STXBP3: variants seen among roughly 807,000 people sequenced by gnomAD.
STXBP3 encodes the protein syntaxin-binding protein 3.
A neutral mutation model predicts 85.7 loss-of-function variants in STXBP3; 41 were observed. That is an observed-to-expected ratio of 0.48 (90% confidence interval 0.37 to 0.62). STXBP3 has a LOEUF of 0.62. Among genes scored for constraint, STXBP3 ranks in the 20% least tolerant of loss-of-function variants. The probability of loss-of-function intolerance (pLI) is 0.00; values close to 1 mark genes in which losing one functional copy is unlikely to be tolerated. For synonymous variants in STXBP3, 229 were observed against 231.7 expected (o/e 0.99, Z 0.10); for missense variants, 563 against 703.1 (o/e 0.80, Z 2.25).
chr1:108,784,358 A>G (rs1570765465), intron 11 of STXBP3, among the ~76,000 whole-genome samples: 1 of 152,218 alleles, frequency 6.6e-6, no homozygotes, highest in African/African-American at 2.4e-5. Flanking sequence ...CTTAACAATC[A>G]TGGCAGAAGC....
At chr1:108,770,724 C>T (rs1038716626) in intron 6 of STXBP3, among the ~76,000 whole-genome samples, 3 of 152,010 alleles carry the variant, frequency 2.0e-5, no homozygotes, top group Non-Finnish European at 4.4e-5. Flanking sequence ...GTTTAGAAAA[C>T]AACAAAATTT....
chr1:108,803,911 G>A (rs1186080661), intron 17 of STXBP3, among the ~76,000 whole-genome samples: 6 of 152,076 alleles, frequency 3.9e-5, no homozygotes, highest in African/African-American at 1.4e-4. Flanking sequence ...CTGTTTCCAG[G>A]GTTCTACTTT....
chr1:108,793,799 A>G lies in STXBP3; in HGVS notation c.1029+152A>G, dbSNP rs138254823. 1,358 of 502,434 alleles carry G rather than the reference A, an allele frequency of 2.7e-3. 10 individuals are homozygous for G. Among genetic ancestry groups the G allele is most frequent in the Non-Finnish European group, 4.1e-3 (1,190 of 291,088 alleles). The allele number at this position is 502,434 out of a possible 1,614,324, so 31.1% of individuals were successfully genotyped here. Reference sequence around the variant, plus strand: ...ACTATAGGTCTGAGAGATATCCCATATATCTAAGCTTCTTCATAACTTCTC... The same window carrying G: ...ACTATAGGTCTGAGAGATATCCCATGTATCTAAGCTTCTTCATAACTTCTC... On this transcript the variant is annotated intron_variant, in intron 12 of 18. Coordinates refer to ENST00000370008, the MANE Select transcript of STXBP3 (RefSeq NM_007269.4).
chr1:108,784,078 T>G (rs1336473424), intron 11 of STXBP3, among the ~76,000 whole-genome samples: 1 of 152,194 alleles, frequency 6.6e-6, no homozygotes, highest in Non-Finnish European at 1.5e-5. Context: ...GAACAGAAGA[T>G]CTCAATTTTA....
chr1:108,752,985 G>GT, intron 2 of STXBP3, 78 bp from the exon 3 acceptor site: 2 of 1,135,166 alleles, frequency 1.8e-6, no homozygotes, highest in African/African-American at 1.6e-5. Flanking sequence ...GGCTTATAAA[G>GT]TTTAATGGAT....
chr1:108,778,324 A>G (rs1294660762), intron 8 of STXBP3, among the ~76,000 whole-genome samples: 4 of 152,224 alleles, frequency 2.6e-5, no homozygotes, highest in Admixed American at 1.3e-4. Flanking sequence ...ACTGACATTA[A>G]CAATAAATGT....
chr1:108,797,873 C>G (rs1233809250), intron 15 of STXBP3, among the ~76,000 whole-genome samples: 1 of 152,080 alleles, frequency 6.6e-6, no homozygotes, highest in Non-Finnish European at 1.5e-5. Context: ...GTAGCTGGGA[C>G]TACAGCCATC....
chr1:108,807,366 C>G (rs1388506080), intron 17 of STXBP3, 35 bp from the exon 18 acceptor site: 6 of 1,572,312 alleles, frequency 3.8e-6, no homozygotes, highest in Non-Finnish European at 5.2e-6. Context: ...ATGTTTATAA[C>G]ATGTTTACTT....
At chr1:108,800,423 C>T (rs1279235320) in intron 17 of STXBP3, 118 bp downstream of exon 17, 1 of 641,764 alleles carries the variant, frequency 1.6e-6, no homozygotes, top group Non-Finnish European at 2.7e-6. Context: ...TGTATTTTTT[C>T]TTTAACTGTA....
At chr1:108,750,293 C>T (rs992900478) in intron 1 of STXBP3, among the ~76,000 whole-genome samples, 7 of 152,070 alleles carry the variant, frequency 4.6e-5, no homozygotes, top group African/African-American at 9.7e-5. Flanking sequence ...TGAGCTCTAC[C>T]GGAGAAAATC....
chr1:108,807,574 C>CTT (rs1553199448), intron 18 of STXBP3, 25 bp downstream of exon 18: 7 of 1,418,564 alleles, frequency 4.9e-6, no homozygotes, highest in African/African-American at 1.5e-5. Context: ...TTCTTCTTTT[C>CTT]TGTTTTTTTT....
At chr1:108,802,699 C>A (rs1663257359) in intron 17 of STXBP3, among the ~76,000 whole-genome samples, 1 of 152,174 alleles carries the variant, frequency 6.6e-6, no homozygotes, top group Non-Finnish European at 1.5e-5. Context: ...TTCCAGTTAA[C>A]CTGAAATGTT....
At chr1:108,764,957 C>T (rs1276252778) in intron 6 of STXBP3, among the ~76,000 whole-genome samples, 1 of 152,132 alleles carries the variant, frequency 6.6e-6, no homozygotes, top group African/African-American at 2.4e-5. Context: ...TTTGCCAGTT[C>T]CTACGTCCAG....
intron 6 of STXBP3, among the ~76,000 whole-genome samples, chr1:108,760,448 T>C (rs906760899): frequency 2.1e-4 from 32 of 152,000 alleles, no homozygotes; most frequent in Non-Finnish European, 4.1e-4. Context: ...TAATAAACTT[T>C]TTATATAATA....
At position 108,759,965 on chromosome 1, in the gene STXBP3, T is replaced by C; in HGVS notation, c.338-20T>C. 1 of 1,429,140 alleles carries C rather than the reference T, an allele frequency of 7.0e-7. No individual in the cohort carries two copies. The highest frequency in any genetic ancestry group is 9.6e-7 in the Non-Finnish European group (1 of 1,042,780). 88.5% of individuals were successfully genotyped at this position (1,429,140 alleles called of 1,614,324 possible). On this transcript the variant is annotated intron_variant, in intron 5 of 18. Coordinates refer to ENST00000370008, the MANE Select transcript of STXBP3 (RefSeq NM_007269.4). ...TAAAATCTAGATGTAACTATATGCT[T>C]TGTTTTTTTTTCCCCTCAGTTTGCC...
At chr1:108,749,693 A>T (rs896407886) in intron 1 of STXBP3, among the ~76,000 whole-genome samples, 16 of 152,160 alleles carry the variant, frequency 1.1e-4, no homozygotes, top group Non-Finnish European at 1.5e-5. Context: ...TGCCCTTACT[A>T]TCTCCATAAA....
intron 8 of STXBP3, among the ~76,000 whole-genome samples, chr1:108,778,550 C>A (rs778342528): frequency 6.6e-6 from 1 of 152,094 alleles, no homozygotes; most frequent in African/African-American, 2.4e-5. Flanking sequence ...CATTTCAGAC[C>A]GCAATGCCCT....
At chr1:108,807,866 C>T (rs1024531467) in intron 18 of STXBP3, among the ~76,000 whole-genome samples, 2 of 152,144 alleles carry the variant, frequency 1.3e-5, no homozygotes, top group African/African-American at 2.4e-5. Context: ...CATGAGCCAC[C>T]GCACCCAGCC....
At chr1:108,781,507 C>T (rs1249945838) in intron 9 of STXBP3, 11 of 152,084 alleles carry the variant, frequency 7.2e-5, no homozygotes, top group Non-Finnish European at 1.5e-4. Context: ...AATTGTTGCT[C>T]ACTTCAGCAG....
Sources: allele counts gnomAD v4.1 joint callset (sites outside exome capture counted in the v4.1 genomes callset), GRCh38; gene constraint gnomAD v4.1.1; transcripts MANE v1.5; gene names NCBI Gene and HGNC (gene_info 2026-07-23, HGNC 2026-07-21).